MACROD2: variants seen among roughly 807,000 people sequenced by gnomAD.
The protein encoded by MACROD2 is mono-ADP ribosylhydrolase 2.
Under a neutral mutation model 70.4 loss-of-function variants are expected in MACROD2, and 36 were observed. That is an observed-to-expected ratio of 0.51 (90% CI 0.39 to 0.68). The LOEUF (loss-of-function observed/expected upper bound fraction) is 0.68. Among genes scored for constraint, MACROD2 ranks in the 30% least tolerant of loss-of-function variants. The pLI is 0.00. For missense variants in MACROD2, 496 were observed against 538.4 expected, an observed-to-expected ratio of 0.92 and a Z score of 0.78; for synonymous variants, 172 against 178.8, an observed-to-expected ratio of 0.96 and a Z score of 0.30.
chr20:14,928,677 A>G (rs1187046328), intron 5 of MACROD2, among the ~76,000 whole-genome samples: 1 of 152,200 alleles, frequency 6.6e-6, no homozygotes, highest in Non-Finnish European at 1.5e-5. Context: ...AAGCATGCAC[A>G]TGATGCCACA....
intron 8 of MACROD2, among the ~76,000 whole-genome samples, chr20:15,607,485 T>G (rs1048605450): frequency 1.3e-5 from 2 of 152,208 alleles, no homozygotes; most frequent in African/African-American, 2.4e-5. Context: ...ATAGCTTATT[T>G]TGCAATCTTA....
chr20:15,828,864 T>G (rs1036548233), intron 8 of MACROD2, among the ~76,000 whole-genome samples: 1 of 152,256 alleles, frequency 6.6e-6, no homozygotes, highest in Non-Finnish European at 1.5e-5. Context: ...CTGCATTACA[T>G]GCTTTAATCT....
At chr20:15,857,728 G>A (rs1371914388) in intron 8 of MACROD2, among the ~76,000 whole-genome samples, 1 of 152,106 alleles carries the variant, frequency 6.6e-6, no homozygotes, top group African/African-American at 2.4e-5. Flanking sequence ...TTTTGACATA[G>A]ACTGTAACAG....
intron 5 of MACROD2, among the ~76,000 whole-genome samples, chr20:14,881,319 C>T (rs2073608701): frequency 6.7e-6 from 1 of 149,852 alleles, no homozygotes; most frequent in Non-Finnish European, 1.5e-5. Flanking sequence ...AAAGTTCTAC[C>T]ACCTCTGTTG....
intron 10 of MACROD2, among the ~76,000 whole-genome samples, chr20:15,913,751 G>A (rs904579780): frequency 2.6e-5 from 4 of 152,172 alleles, no homozygotes; most frequent in African/African-American, 7.2e-5. Flanking sequence ...AAAGCAGACA[G>A]TGTGTTATAA....
intron 3 of MACROD2, among the ~76,000 whole-genome samples, chr20:14,445,818 C>A (rs1171287187): frequency 6.6e-6 from 1 of 152,096 alleles, no homozygotes; most frequent in African/African-American, 2.4e-5. Flanking sequence ...ATTTCAGTGG[C>A]TTTACACAAA....
chr20:15,297,623 A>G (rs2077602858), intron 6 of MACROD2, among the ~76,000 whole-genome samples: 1 of 152,168 alleles, frequency 6.6e-6, no homozygotes, highest in Admixed American at 6.5e-5. Flanking sequence ...CCATCCTTGG[A>G]CCCCATCTCT....
In MACROD2 at chr20:15,658,089, A is replaced by G. The variant is rs571057308; in HGVS notation, c.645+158242A>G. Among the ~76,000 whole-genome samples, 12 of 152,302 alleles carry G rather than the reference A, an allele frequency of 7.9e-5. 1 individual carries two copies. Among genetic ancestry groups the G allele is most frequent in the African/African-American group, 2.6e-4 (11 of 41,580 alleles). On this transcript the variant is annotated intron_variant, in intron 8 of 17. Transcript: ENST00000684519. ...ATTTTCTCCTTTGTCAAAGGGAGCT[A>G]ATAGCAGAGCTTGTTGCCTTGAGAT...
chr20:14,626,435 T>C (rs765688320), intron 4 of MACROD2, among the ~76,000 whole-genome samples: 1 of 152,132 alleles, frequency 6.6e-6, no homozygotes, highest in Non-Finnish European at 1.5e-5. Context: ...CTACAATCAA[T>C]AGGTCCAGGA....
chr20:14,397,865 TA>T (rs2083596991), intron 3 of MACROD2, among the ~76,000 whole-genome samples: 1 of 152,134 alleles, frequency 6.6e-6, no homozygotes, highest in African/African-American at 2.4e-5. Context: ...TATCTATTAA[TA>T]AAACTCTGTC....
At position 14,961,980 on chromosome 20, in the gene MACROD2, TTTTG is replaced by T. The variant is rs1021253437; in HGVS notation, c.419-267948_419-267945del. ...ATTTTGCCAGTTTTTCTACTAACCT[TTTTG>T]TTTGTTTGTTTTTGAGACGGAGTCT... On this transcript the variant is annotated intron_variant, in intron 5 of 17. Transcript: ENST00000684519. 5.7e-4 allele frequency among the ~76,000 whole-genome samples: 86 copies of T among 151,940 alleles called. 2 individuals carry two copies. The Middle Eastern group carries it at 0.017, about 30-fold the overall frequency.
chr20:14,713,036 A>G (rs1480427651), intron 5 of MACROD2, among the ~76,000 whole-genome samples: 2 of 152,166 alleles, frequency 1.3e-5, no homozygotes, highest in Non-Finnish European at 2.9e-5. Flanking sequence ...AAAAAAGATA[A>G]TGGATTTGAG....
intron 5 of MACROD2, among the ~76,000 whole-genome samples, chr20:14,837,601 G>A (rs368744484): frequency 1.3e-5 from 2 of 151,956 alleles, no homozygotes; most frequent in African/African-American, 4.8e-5. Flanking sequence ...GTCTGAGATG[G>A]TACTACAACA....
chr20:14,977,297 ATTTTTTTT>A (rs777982225), intron 5 of MACROD2, among the ~76,000 whole-genome samples: 1 of 130,020 alleles, frequency 7.7e-6, no homozygotes, highest in African/African-American at 2.8e-5. Context: ...TAACACCTTG[ATTTTTTTT>A]TTTTTTTTTT....
chr20:15,959,323 T>C (rs2066025182), intron 12 of MACROD2, among the ~76,000 whole-genome samples: 1 of 152,218 alleles, frequency 6.6e-6, no homozygotes, highest in Non-Finnish European at 1.5e-5. Context: ...GGGTGATATT[T>C]GAAAATGAAA....
intron 8 of MACROD2, among the ~76,000 whole-genome samples, chr20:15,772,613 A>T (rs941565778): frequency 1.3e-5 from 2 of 152,132 alleles, no homozygotes; most frequent in African/African-American, 4.8e-5. Flanking sequence ...AAGAGGCTTA[A>T]TAGTTCCTCA....
intron 5 of MACROD2, among the ~76,000 whole-genome samples, chr20:14,962,879 A>T (rs2074597284): frequency 6.6e-6 from 1 of 152,070 alleles, no homozygotes; most frequent in Non-Finnish European, 1.5e-5. Context: ...GTTTGGGGAA[A>T]AAAAACTCTA....
rs190791416 is a variant in MACROD2 at position 15,207,190 on chromosome 20, T to G, written c.419-22750T>G. Reference sequence around the variant, plus strand: ...TTCCTGATGCCTCAAAATTATTTCCTTCATCACACCCTCTCTGTTTCAAGA... The same window carrying G: ...TTCCTGATGCCTCAAAATTATTTCCGTCATCACACCCTCTCTGTTTCAAGA... On this transcript the variant is annotated intron_variant, in intron 5 of 17. Coordinates refer to ENST00000684519, the MANE Select transcript of MACROD2 (RefSeq NM_001351661.2). 4.3e-3 allele frequency among the ~76,000 whole-genome samples: 660 copies of G among 152,254 alleles called. 5 individuals carry two copies. The highest frequency in any genetic ancestry group is 0.014 in the African/African-American group (595 of 41,556).
Position 14,338,758 on chromosome 20 carries a change from G to T in MACROD2, c.272-154721G>T, listed in dbSNP as rs576665889. On this transcript the variant is annotated intron_variant, in intron 3 of 17. Transcript: ENST00000684519. ...GTACATGAATAAACACTGGACAATT[G>T]TAAGACGTGGAGATTATAAATTTCT... Among the ~76,000 whole-genome samples, 3 of 152,266 alleles carry T rather than the reference G, an allele frequency of 2.0e-5. No individual in the cohort carries two copies. The East Asian group carries it at 5.8e-4, about 29-fold the overall frequency.
Sources: allele counts gnomAD v4.1 joint callset (sites outside exome capture counted in the v4.1 genomes callset), GRCh38; gene constraint gnomAD v4.1.1; transcripts MANE v1.5; gene names NCBI Gene and HGNC (gene_info 2026-07-23, HGNC 2026-07-21).